Variants in PRP4K observed in about 807,000 individuals in gnomAD.
The protein encoded by PRP4K is pre-mRNA processing factor kinase PRP4K, also known as serine/threonine-protein kinase PRP4 homolog.
At chr6:4,041,217 G>C in the PRP4K span, among the ~76,000 whole-genome samples, 1 of 151,998 alleles carries the variant, frequency 6.6e-6, no homozygotes, top group East Asian at 1.9e-4. Context: ...TAGTCCTGCC[G>C]GCCAGAGTTA....
chr6:4,033,341 A>G, the PRP4K span, among the ~76,000 whole-genome samples: 5 of 152,316 alleles, frequency 3.3e-5, no homozygotes, highest in Admixed American at 2.6e-4. Flanking sequence ...GAAGAATAGT[A>G]TATGAAATTA....
At chr6:4,029,226 G>A in the PRP4K span, among the ~76,000 whole-genome samples, 9 of 151,328 alleles carry the variant, frequency 5.9e-5, no homozygotes, top group Admixed American at 2.0e-4. Context: ...AACACTGATC[G>A]ACTTGAAGTT....
chr6:4,040,073 A>G, the PRP4K span, among the ~76,000 whole-genome samples: 1 of 151,756 alleles, frequency 6.6e-6, no homozygotes, highest in African/African-American at 2.4e-5. Flanking sequence ...TTTTGTGGAG[A>G]CAGGGTTTTG....
At chr6:4,028,839 C>T in the PRP4K span, among the ~76,000 whole-genome samples, 2 of 152,026 alleles carry the variant, frequency 1.3e-5, no homozygotes, top group Non-Finnish European at 2.9e-5. Context: ...CATTCTCTCT[C>T]CCCCACCCCT....
At chr6:4,031,329 T>G in the PRP4K span, among the ~76,000 whole-genome samples, 2 of 152,196 alleles carry the variant, frequency 1.3e-5, no homozygotes, top group African/African-American at 4.8e-5. Context: ...CCTCTAATAC[T>G]TTTGGTGAGT....
chr6:4,024,462 G>A, the PRP4K span, among the ~76,000 whole-genome samples: 1 of 152,102 alleles, frequency 6.6e-6, no homozygotes, highest in African/African-American at 2.4e-5. Context: ...GCTTAAAAAC[G>A]GCTTTATTCA....
chr6:4,055,545 T>C, the PRP4K span, among the ~76,000 whole-genome samples: 1 of 152,178 alleles, frequency 6.6e-6, no homozygotes, highest in South Asian at 2.1e-4. Flanking sequence ...TGTGTGTCTC[T>C]TTTGAAGGGG....
At chr6:4,040,138 C>A in the PRP4K span, among the ~76,000 whole-genome samples, 1 of 151,802 alleles carries the variant, frequency 6.6e-6, no homozygotes, top group African/African-American at 2.4e-5. Flanking sequence ...CCTTGGCCTC[C>A]CAAAGTGCTG....
the PRP4K span, chr6:4,021,343 T>G: frequency 6.5e-7 from 1 of 1,540,098 alleles, no homozygotes; most frequent in Non-Finnish European, 8.8e-7. Flanking sequence ...GCGCGGCAGC[T>G]CTTTTCCTTC....
the PRP4K span, among the ~76,000 whole-genome samples, chr6:4,035,284 ATTTTTTTTTTTTTTTTTTTTTTTTTTTT>A: frequency 3.6e-4 from 21 of 58,802 alleles, no homozygotes; most frequent in East Asian, 0.012. Context: ...CGCCCGGCTA[ATTTTTTTTTTTTTTTTTTTTTTTTTTTT>A]TTTTTGATAT....
At chr6:4,022,487 T>C in the PRP4K span, among the ~76,000 whole-genome samples, 1 of 151,366 alleles carries the variant, frequency 6.6e-6, no homozygotes, top group East Asian at 1.9e-4. Context: ...TGTTTTTTTT[T>C]GCATCTGCAC....
At chr6:4,040,374 C>G in the PRP4K span, among the ~76,000 whole-genome samples, 2 of 152,166 alleles carry the variant, frequency 1.3e-5, no homozygotes, top group Non-Finnish European at 2.9e-5. Context: ...CCTTTTGCCC[C>G]TTTTCGGTCT....
the PRP4K span, among the ~76,000 whole-genome samples, chr6:4,026,190 G>C: frequency 6.6e-6 from 1 of 150,712 alleles, no homozygotes; most frequent in Admixed American, 6.6e-5. Context: ...TTTTAGTAGA[G>C]ATGGGGTTTC....
chr6:4,024,426 TA>T, the PRP4K span, among the ~76,000 whole-genome samples: 19 of 151,420 alleles, frequency 1.3e-4, no homozygotes, highest in African/African-American at 3.9e-4. Flanking sequence ...TGCTCGCCAC[TA>T]AAAAAAAATT....
At chr6:4,040,075 A>G in the PRP4K span, among the ~76,000 whole-genome samples, 3 of 151,822 alleles carry the variant, frequency 2.0e-5, no homozygotes, top group African/African-American at 7.3e-5. Context: ...TTGTGGAGAC[A>G]GGGTTTTGCC....
At chr6:4,025,620 AT>A in the PRP4K span, among the ~76,000 whole-genome samples, 1 of 152,242 alleles carries the variant, frequency 6.6e-6, no homozygotes, top group Non-Finnish European at 1.5e-5. Context: ...CTAGTCACTC[AT>A]GGGAATGACC....
chr6:4,027,287 C>T, the PRP4K span, among the ~76,000 whole-genome samples: 1 of 152,170 alleles, frequency 6.6e-6, no homozygotes, highest in Non-Finnish European at 1.5e-5. Context: ...TTCTTGAACA[C>T]TTAGTGTGAC....
the PRP4K span, among the ~76,000 whole-genome samples, chr6:4,026,740 G>A: frequency 6.6e-6 from 1 of 152,198 alleles, no homozygotes; most frequent in African/African-American, 2.4e-5. Flanking sequence ...CATTATGATA[G>A]GGAGAGACAA....
the PRP4K span, chr6:4,049,893 A>G: frequency 6.2e-7 from 1 of 1,613,366 alleles, no homozygotes; most frequent in Non-Finnish European, 8.5e-7. Context: ...AGTTCAGAAG[A>G]CGTGAGGAAA....
Sources: gnomAD v4.1 joint callset for allele counts (sites outside exome capture counted in the v4.1 genomes callset) on GRCh38, gnomAD v4.1.1 for gene constraint, MANE v1.5 for transcripts, NCBI Gene and HGNC (gene_info 2026-07-23, HGNC 2026-07-21) for gene names.